SHISA9: variants seen among roughly 807,000 people sequenced by gnomAD.
SHISA9 encodes protein shisa-9.
In SHISA9, 13 loss-of-function variants were observed where a neutral mutation model predicts 38.0. The observed-to-expected ratio is 0.34, with a 90% CI of 0.22 to 0.54. The LOEUF is 0.54. Ranked by LOEUF, SHISA9 falls within the 20% of genes least tolerant of loss-of-function variation. The pLI is 0.91. For missense variants in SHISA9, 538 were observed against 575.8 expected, an observed-to-expected ratio of 0.93 and a Z score of 0.67; for synonymous variants, 275 against 242.0, an observed-to-expected ratio of 1.14 and a Z score of -1.27.
the SHISA9 span, among the ~76,000 whole-genome samples, chr16:13,253,074 C>T: frequency 1.5e-4 from 23 of 152,096 alleles, no homozygotes; most frequent in African/African-American, 4.3e-4. Context: ...TTCCCTTCCT[C>T]GTGATTTTCT....
At chr16:13,387,968 A>G in the SHISA9 span, among the ~76,000 whole-genome samples, 1 of 152,036 alleles carries the variant, frequency 6.6e-6, no homozygotes, top group Non-Finnish European at 1.5e-5. Context: ...TCTCCACACT[A>G]CGAAATTTCA....
chr16:12,903,409 A>G (rs1399343585), intron 1 of SHISA9, among the ~76,000 whole-genome samples: 1 of 152,180 alleles, frequency 6.6e-6, no homozygotes, highest in African/African-American at 2.4e-5. Flanking sequence ...GATTTCGTCA[A>G]CTTTCGGGTT....
chr16:13,211,513 C>T (rs997610893), intron 3 of SHISA9, among the ~76,000 whole-genome samples: 2 of 152,140 alleles, frequency 1.3e-5, no homozygotes, highest in African/African-American at 4.8e-5. Context: ...ATTTTCGTCA[C>T]ACTGAAAGTT....
Position 13,148,268 on chromosome 16 carries a change from C to T in SHISA9, c.692-55126C>T, listed in dbSNP as rs527841540. On this transcript the variant is annotated intron_variant, in intron 2 of 4. Coordinates refer to ENST00000558583, the MANE Select transcript of SHISA9 (RefSeq NM_001145204.3). The stretch of plus-strand genomic sequence containing the variant: ...ACACAAACACATATTCCCCACGCTC[C>T]GTGAAGTATGTCCACCACACACTCA... 1.9e-4 allele frequency among the ~76,000 whole-genome samples: 29 copies of T among 152,210 alleles called. No homozygotes were observed. In the South Asian group the frequency reaches 4.8e-3, roughly 25 times the overall value.
the SHISA9 span, among the ~76,000 whole-genome samples, chr16:13,360,104 C>T: frequency 2.0e-5 from 3 of 152,236 alleles, no homozygotes; most frequent in African/African-American, 4.8e-5. Context: ...TGGGCTGTTA[C>T]ATCCAGTTCC....
intron 2 of SHISA9, among the ~76,000 whole-genome samples, chr16:12,975,679 T>A (rs2072151778): frequency 1.3e-5 from 2 of 149,848 alleles, no homozygotes; most frequent in East Asian, 2.1e-4. Context: ...GGCATGTCAC[T>A]ATGAATAGGC....
At chr16:12,971,244 T>C (rs1203815147) in intron 2 of SHISA9, among the ~76,000 whole-genome samples, 2 of 152,206 alleles carry the variant, frequency 1.3e-5, no homozygotes, top group Admixed American at 6.5e-5. Context: ...TCTGTGTAGC[T>C]AAGGCTGTTG....
the SHISA9 span, among the ~76,000 whole-genome samples, chr16:13,292,690 T>C: frequency 2.0e-5 from 3 of 152,070 alleles, no homozygotes; most frequent in African/African-American, 7.2e-5. Flanking sequence ...AAAAAAGAAG[T>C]CTTATCTTCA....
chr16:13,436,751 AC>A, the SHISA9 span, among the ~76,000 whole-genome samples: 1 of 150,544 alleles, frequency 6.6e-6, no homozygotes, highest in Admixed American at 6.6e-5. Context: ...TACTATAGTG[AC>A]ACACAGTCAG....
the SHISA9 span, among the ~76,000 whole-genome samples, chr16:13,377,647 A>G: frequency 6.6e-6 from 1 of 152,194 alleles, no homozygotes; most frequent in Non-Finnish European, 1.5e-5. Context: ...GTCTCATTGA[A>G]TGTGAAAAAG....
the SHISA9 span, among the ~76,000 whole-genome samples, chr16:13,562,523 G>A: frequency 2.0e-5 from 3 of 151,678 alleles, no homozygotes; most frequent in East Asian, 1.9e-4. Flanking sequence ...CCAGCTGCTC[G>A]GGAAGCTGAG....
the SHISA9 span, chr16:13,474,374 A>G: frequency 2.6e-5 from 4 of 152,250 alleles, no homozygotes; most frequent in African/African-American, 7.2e-5. Flanking sequence ...AAAGTAATAT[A>G]CGATTTAAGA....
chr16:13,279,803 G>A, the SHISA9 span, among the ~76,000 whole-genome samples: 3 of 151,798 alleles, frequency 2.0e-5, no homozygotes, highest in South Asian at 4.2e-4. Flanking sequence ...AGGTGCATAT[G>A]CATTTATGAT....
chr16:13,205,996 T>C (rs420619), intron 3 of SHISA9, among the ~76,000 whole-genome samples: 97,850 of 151,102 alleles, frequency 0.65, 33,322 homozygotes, highest in African/African-American at 0.87. Flanking sequence ...AACTCCTGAC[T>C]TCAAATGATT....
At chr16:13,369,537 A>C in the SHISA9 span, among the ~76,000 whole-genome samples, 1 of 152,162 alleles carries the variant, frequency 6.6e-6, no homozygotes, top group Admixed American at 6.5e-5. Context: ...TTGGGACCCC[A>C]GAAGTAAGGT....
the SHISA9 span, among the ~76,000 whole-genome samples, chr16:13,519,978 C>T: frequency 2.0e-5 from 3 of 152,244 alleles, no homozygotes; most frequent in Middle Eastern, 6.8e-3. Flanking sequence ...TGTACTGCAA[C>T]CTAAAAACAG....
intron 1 of SHISA9, among the ~76,000 whole-genome samples, chr16:12,915,703 A>T (rs190382766): frequency 6.6e-6 from 1 of 152,226 alleles, no homozygotes; most frequent in Non-Finnish European, 1.5e-5. Context: ...AATACTATGC[A>T]GCGGCTGCAA....
the SHISA9 span, among the ~76,000 whole-genome samples, chr16:13,445,397 C>CT: frequency 6.6e-6 from 1 of 152,166 alleles, no homozygotes; most frequent in Non-Finnish European, 1.5e-5. Context: ...GTGTCCTTTT[C>CT]TGTTCATTAC....
the SHISA9 span, among the ~76,000 whole-genome samples, chr16:13,505,894 G>A: frequency 6.6e-6 from 1 of 152,110 alleles, no homozygotes; most frequent in African/African-American, 2.4e-5. Context: ...TGAGGCATTC[G>A]ATTGTTGTTG....
Sources: allele counts gnomAD v4.1 joint callset (sites outside exome capture counted in the v4.1 genomes callset), GRCh38; gene constraint gnomAD v4.1.1; transcripts MANE v1.5; gene names NCBI Gene and HGNC (gene_info 2026-07-23, HGNC 2026-07-21).